The following ARMC9 variants were observed in gnomAD, a reference collection of about 807,000 sequenced individuals.
ARMC9 encodes lisH domain-containing protein ARMC9.
A neutral mutation model predicts 107.0 loss-of-function variants in ARMC9; 94 were observed. The ratio of observed to expected loss-of-function variants is 0.88; its 90% CI spans 0.74 to 1.04. The LOEUF (loss-of-function observed/expected upper bound fraction) is 1.04. Ranked by LOEUF, ARMC9 falls within the 50% of genes least tolerant of loss-of-function variation. The probability of loss-of-function intolerance (pLI) is 0.00; values close to 1 mark genes in which losing one functional copy is unlikely to be tolerated. For missense variants in ARMC9, 942 were observed against 1,030.1 expected (o/e 0.91, Z 1.17); for synonymous variants, 380 against 396.9 (o/e 0.96, Z 0.51).
Position 231,375,412 on chromosome 2 carries a change from G to C in ARMC9, c.*3877G>C, listed in dbSNP as rs1212183046. On this transcript the variant is annotated 3_prime_UTR_variant, in exon 25 of 25. Transcript: ENST00000611582. The surrounding 1 kb of genome is among the most constrained non-coding windows in gnomAD (Gnocchi z 4.3). ...CTGTGTGAAAGGATGTGGATACAGG[G>C]ACCCCGAATGAACCAGAGGCAATAC... Among the ~76,000 whole-genome samples, 4 of 152,238 alleles carry C rather than the reference G, an allele frequency of 2.6e-5. No individual in the cohort carries two copies. The highest frequency in any genetic ancestry group is 9.6e-5 in the African/African-American group (4 of 41,458).
rs368778985 is a variant in ARMC9 at position 231,321,772 on chromosome 2, G to A, written c.1774-10021G>A. Among the ~76,000 whole-genome samples the A allele has an allele frequency of 2.6e-5, 4 of 152,076 alleles. No homozygotes were observed. In the South Asian group the frequency reaches 8.3e-4, roughly 32 times the overall value. Reference sequence around the variant, plus strand: ...TCTTCCTCTTCTCCATGTGAAGCGCGGTGTCTGTGGTACTGCTGGGGCACT... The same window carrying A: ...TCTTCCTCTTCTCCATGTGAAGCGCAGTGTCTGTGGTACTGCTGGGGCACT... On this transcript the variant is annotated intron_variant, in intron 19 of 24. Transcript: ENST00000611582.
At chr2:231,290,570 T>G (rs2040918655) in intron 17 of ARMC9, among the ~76,000 whole-genome samples, 1 of 152,216 alleles carries the variant, frequency 6.6e-6, no homozygotes, top group Non-Finnish European at 1.5e-5. Context: ...TCAAGCTGTA[T>G]GGACTCATTC....
intron 12 of ARMC9, among the ~76,000 whole-genome samples, chr2:231,267,412 T>C (rs565958942): frequency 6.6e-6 from 1 of 152,014 alleles, no homozygotes; most frequent in Non-Finnish European, 1.5e-5. Flanking sequence ...TGTATTTTTA[T>C]TGGAGATGGG....
intron 23 of ARMC9, among the ~76,000 whole-genome samples, chr2:231,367,661 A>G (rs1446631479): frequency 6.6e-6 from 1 of 152,166 alleles, no homozygotes; most frequent in African/African-American, 2.4e-5. Flanking sequence ...AAGATGGTAA[A>G]TATTATGGAT....
At chr2:231,202,805 C>G (rs575529000) in intron 1 of ARMC9, among the ~76,000 whole-genome samples, 1 of 152,220 alleles carries the variant, frequency 6.6e-6, no homozygotes, top group East Asian at 1.9e-4. Context: ...TGGGTAACGG[C>G]CAAACTTCAC....
At chr2:231,333,407 C>T (rs976200005) in intron 20 of ARMC9, among the ~76,000 whole-genome samples, 1 of 152,144 alleles carries the variant, frequency 6.6e-6, no homozygotes. Flanking sequence ...GGAACCACCG[C>T]GAACCCCTTC....
chr2:231,299,417 A>C (rs977452022), intron 19 of ARMC9, among the ~76,000 whole-genome samples: 2 of 152,144 alleles, frequency 1.3e-5, no homozygotes, highest in Admixed American at 6.5e-5. Context: ...GGAATAAGGA[A>C]GTTTGGGTGA....
chr2:231,355,739 C>G, intron 21 of ARMC9, 59 bp from the exon 22 acceptor site: 1 of 1,485,964 alleles, frequency 6.7e-7, no homozygotes, highest in Admixed American at 2.1e-5. Context: ...AGTCGGCAGT[C>G]GGCAGTCCGA....
At chr2:231,256,264 C>A (rs1040715166) in intron 9 of ARMC9, 52 of 1,551,446 alleles carry the variant, frequency 3.4e-5, no homozygotes, top group Non-Finnish European at 4.0e-5. Context: ...GCGACGTGCT[C>A]ACCCTTTTGG....
intron 5 of ARMC9, among the ~76,000 whole-genome samples, chr2:231,221,103 C>A: frequency 6.6e-6 from 1 of 152,142 alleles, no homozygotes; most frequent in East Asian, 1.9e-4. Context: ...GTTCTGGAGG[C>A]TGCAAATCTG....
chr2:231,375,555 T>C lies in ARMC9; in HGVS notation c.*4020T>C, dbSNP rs1019684499. Among the ~76,000 whole-genome samples, 6 of 152,248 alleles carry C rather than the reference T, an allele frequency of 3.9e-5. No homozygotes were observed. The highest frequency in any genetic ancestry group is 7.3e-5 in the Non-Finnish European group (5 of 68,048). ...GATTCAATTGAACAAATATATTCTT[T>C]GGGGCTGCAGTGTGTCAGATGTGGA... On this transcript the variant is annotated 3_prime_UTR_variant, in exon 25 of 25. Coordinates refer to ENST00000611582, the MANE Select transcript of ARMC9 (RefSeq NM_001352754.2). The surrounding 1 kb of genome is among the most constrained non-coding windows in gnomAD (Gnocchi z 4.3).
chr2:231,274,550 G>A (rs547056648), intron 14 of ARMC9, among the ~76,000 whole-genome samples: 3 of 152,254 alleles, frequency 2.0e-5, no homozygotes, highest in African/African-American at 7.2e-5. Flanking sequence ...CTCGTGGATC[G>A]GCATCTAGGA....
intron 9 of ARMC9, among the ~76,000 whole-genome samples, chr2:231,241,064 G>C (rs2036250513): frequency 6.6e-6 from 1 of 151,982 alleles, no homozygotes; most frequent in South Asian, 2.1e-4. Flanking sequence ...CAAGCGTGGT[G>C]GTGGGCACCT....
At chr2:231,253,104 T>TG (rs1247400271) in intron 9 of ARMC9, among the ~76,000 whole-genome samples, 1 of 140,950 alleles carries the variant, frequency 7.1e-6, no homozygotes, top group African/African-American at 2.9e-5. Context: ...TTATTTTCAT[T>TG]GTTTTTTGTT....
chr2:231,371,307 C>T (rs1005634739), intron 24 of ARMC9, among the ~76,000 whole-genome samples: 4 of 152,204 alleles, frequency 2.6e-5, no homozygotes, highest in African/African-American at 9.6e-5. Context: ...GCCAGCAAAG[C>T]TGACTGAGTG....
chr2:231,265,996 TAAAAAAAA>T (rs541194304), intron 12 of ARMC9, among the ~76,000 whole-genome samples: 2 of 125,374 alleles, frequency 1.6e-5, no homozygotes, highest in African/African-American at 6.0e-5. Context: ...AGACGCCATC[TAAAAAAAA>T]AAAAAAAAAG....
At chr2:231,323,190 TA>T (rs375598180) in intron 19 of ARMC9, among the ~76,000 whole-genome samples, 64 of 146,922 alleles carry the variant, frequency 4.4e-4, no homozygotes, top group South Asian at 8.6e-4. Flanking sequence ...ACCTGTCTCT[TA>T]AAAAAAAAAA....
intron 18 of ARMC9, among the ~76,000 whole-genome samples, chr2:231,292,238 C>T (rs1307380055): frequency 2.6e-5 from 4 of 151,516 alleles, no homozygotes; most frequent in East Asian, 1.9e-4. Flanking sequence ...AATCTCTTAT[C>T]GTACTCTAGG....
intron 8 of ARMC9, among the ~76,000 whole-genome samples, chr2:231,236,368 A>G (rs993698074): frequency 1.3e-5 from 2 of 152,188 alleles, no homozygotes; most frequent in Non-Finnish European, 1.5e-5. Context: ...GCTATGGCCT[A>G]TGGGATAGTG....
Sources: gnomAD v4.1 joint callset for allele counts (sites outside exome capture counted in the v4.1 genomes callset) on GRCh38, gnomAD v4.1.1 for gene constraint, Gnocchi (gnomAD v3.1) non-coding constraint, MANE v1.5 for transcripts, NCBI Gene and HGNC (gene_info 2026-07-23, HGNC 2026-07-21) for gene names.